The following PI4K2A variants were observed in gnomAD, a reference collection of about 807,000 sequenced individuals.
PI4K2A encodes phosphatidylinositol 4-kinase type 2-alpha.
Under a neutral mutation model 55.0 loss-of-function variants are expected in PI4K2A, and 20 were observed. The ratio of observed to expected loss-of-function variants is 0.36; its 90% CI spans 0.26 to 0.53. PI4K2A has a LOEUF of 0.53. Among genes scored for constraint, PI4K2A ranks in the 20% least tolerant of loss-of-function variants. The pLI is 0.91. For missense variants in PI4K2A, 463 were observed against 637.1 expected (o/e 0.73, Z 2.94); for synonymous variants, 235 against 258.5 (o/e 0.91, Z 0.87).
In PI4K2A at chr10:97,642,928, T is replaced by TTCCTTCCTTCCTTC. The variant is rs1564772434; in HGVS notation, c.435+1751_435+1752insTCCTTCCTTCCTTC. Among the ~76,000 whole-genome samples, 13 of 118,056 alleles carry TTCCTTCCTTCCTTC rather than the reference T, an allele frequency of 1.1e-4. 1 individual carries two copies. The highest frequency in any genetic ancestry group is 5.1e-4 in the African/African-American group (12 of 23,632). 77.4% of individuals were successfully genotyped at this position (118,056 alleles called of 152,430 possible). On this transcript the variant is annotated intron_variant, in intron 1 of 8. Coordinates refer to ENST00000370631, the Ensembl canonical transcript of PI4K2A. ...TCCTTCCTTCCTTCCTTCCTTCCTT[T>TTCCTTCCTTCCTTC]CTTTCCTTTCTTTCTTTCTCTTTCT...
intron 8 of PI4K2A, among the ~76,000 whole-genome samples, chr10:97,671,938 G>C (rs573864398): frequency 6.6e-6 from 1 of 152,092 alleles, no homozygotes; most frequent in South Asian, 2.1e-4. Context: ...ACAGGCATGA[G>C]CTACCACGCC....
chr10:97,641,304 G>A, intron 1 of PI4K2A, 127 bp downstream of exon 1: 1 of 685,280 alleles, frequency 1.5e-6, no homozygotes, highest in South Asian at 1.7e-5. Context: ...GCAGGATTTA[G>A]GGATGCCACT....
chr10:97,651,172 G>C, intron 2 of PI4K2A, 31 bp downstream of exon 2: 1 of 1,557,590 alleles, frequency 6.4e-7, no homozygotes, highest in Non-Finnish European at 8.8e-7. Context: ...AAGCCTTACT[G>C]CCTGGCCACA....
At chr10:97,660,403 C>A (rs562461591) in intron 4 of PI4K2A, among the ~76,000 whole-genome samples, 7 of 150,206 alleles carry the variant, frequency 4.7e-5, no homozygotes, top group African/African-American at 1.7e-4. Flanking sequence ...TCAAGTGATT[C>A]TCCTGCCTCA....
intron 7 of PI4K2A, 124 bp downstream of exon 7, chr10:97,666,695 C>T (rs1016043775): frequency 2.3e-5 from 18 of 795,680 alleles, no homozygotes; most frequent in East Asian, 2.1e-4. Flanking sequence ...AGTTAGCCAA[C>T]GAATAGCAAG....
At position 97,656,393 on chromosome 10, in the gene PI4K2A, A is replaced by T; in HGVS notation, c.745A>T (p.Asn249Tyr). 2 of 1,613,814 alleles carry T rather than the reference A, an allele frequency of 1.2e-6. No homozygotes were observed. The highest frequency in any genetic ancestry group is 1.7e-6 in the Non-Finnish European group (2 of 1,179,724). The change falls in exon 3 of 9, where the codon AAC becomes TAC. Residue 249 changes from asparagine (N) to tyrosine (Y), a missense_variant. Physicochemically the swap from Asn to Tyr is moderately radical, Grantham distance 143. Coordinates refer to ENST00000370631, the Ensembl canonical transcript of PI4K2A. This position sits in a 1 kb window ranked among gnomAD's most constrained non-coding sequence, Gnocchi z 4.5. The stretch of plus-strand genomic sequence containing the variant: ...AGTGCCAAAAGTTGGACAGCGGTTT[A>T]ACCGCATCGGGCTACCACCAAAGGT...
intron 1 of PI4K2A, among the ~76,000 whole-genome samples, chr10:97,650,469 A>C (rs2041525870): frequency 6.6e-6 from 1 of 151,990 alleles, no homozygotes; most frequent in African/African-American, 2.4e-5. Context: ...TTTAGTAGAG[A>C]CAGGGTTTCG....
intron 1 of PI4K2A, among the ~76,000 whole-genome samples, chr10:97,642,938 CTTTCTTTCT>C (rs2041486037): frequency 7.0e-6 from 1 of 142,254 alleles, no homozygotes; most frequent in Admixed American, 7.1e-5. Context: ...TCTTTCCTTT[CTTTCTTTCT>C]CTTTCTTTCT....
At chr10:97,665,880 T>G (rs1372909980) in intron 6 of PI4K2A, among the ~76,000 whole-genome samples, 4 of 152,320 alleles carry the variant, frequency 2.6e-5, no homozygotes, top group African/African-American at 9.6e-5. Flanking sequence ...CATGAGCCAC[T>G]GCGCCCGGCC....
intron 4 of PI4K2A, among the ~76,000 whole-genome samples, chr10:97,657,744 A>T (rs2041562354): frequency 6.6e-6 from 1 of 152,124 alleles, no homozygotes; most frequent in Non-Finnish European, 1.5e-5. Context: ...AGTAAAATGC[A>T]TGTAACATAA....
At position 97,645,806 on chromosome 10, in the gene PI4K2A, C is replaced by T. The variant is rs560238868; in HGVS notation, c.435+4629C>T. Among the ~76,000 whole-genome samples, 16 of 151,932 alleles carry T rather than the reference C, an allele frequency of 1.1e-4. No homozygotes were observed. The East Asian group carries it at 2.7e-3, about 26-fold the overall frequency. ...CAACCTTGGCTCATTGCAGCCTTGG[C>T]CTCCCAGTGTTGGGATTACAGGTGT... is the stretch of plus-strand genomic sequence containing the variant. On this transcript the variant is annotated intron_variant, in intron 1 of 8. Transcript: ENST00000370631.
In PI4K2A at chr10:97,641,184, G is replaced by GC; in HGVS notation, c.435+8dup. ...CGTCAAGGACCCTCAGGGGGTGAGT[G>GC]CGGGGGTGGGGACCGCCGCCGCGGG... On this transcript the variant is annotated splice_region_variant and intron_variant, in intron 1 of 8. Transcript: ENST00000370631. The GC allele has an allele frequency of 2.5e-6, 4 of 1,594,948 alleles. No homozygotes were observed. Among genetic ancestry groups the GC allele is most frequent in the Non-Finnish European group, 3.4e-6 (4 of 1,174,648 alleles).
intron 1 of PI4K2A, among the ~76,000 whole-genome samples, chr10:97,642,349 G>A (rs1203074730): frequency 6.6e-6 from 1 of 151,876 alleles, no homozygotes; most frequent in Non-Finnish European, 1.5e-5. Flanking sequence ...TACATAAACT[G>A]AGTTGGGGAA....
intron 1 of PI4K2A, among the ~76,000 whole-genome samples, chr10:97,642,852 TTTC>T (rs1296099093): frequency 2.1e-4 from 2 of 9,506 alleles, no homozygotes. Flanking sequence ...CCTTCCTTCC[TTTC>T]TTTCTTTCTT....
In PI4K2A at chr10:97,673,656, G is replaced by T; in HGVS notation, c.1354G>T (p.Glu452Ter). 1 of 1,613,992 alleles carries T rather than the reference G, an allele frequency of 6.2e-7. No individual in the cohort carries two copies. The highest frequency in any genetic ancestry group is 8.5e-7 in the Non-Finnish European group (1 of 1,179,946). ...CGTCCAGATGCCACCTGTGATTGTC[G>T]AGACGGCCCGTTCCCACCAGCGGTC... is the stretch of plus-strand genomic sequence containing the variant. The change falls in exon 9 of 9, where the codon GAG (glutamate) becomes TAG (stop). Residue 452 changes from glutamate (E) to a stop codon, truncating the protein, a stop_gained. Coordinates refer to ENST00000370631, the Ensembl canonical transcript of PI4K2A. LOFTEE classifies it high-confidence loss of function.
In PI4K2A at chr10:97,649,748, C is replaced by T. The variant is rs182057393; in HGVS notation, c.436-1193C>T. ...AAGTGATTCTCCTGCCTCAGCCTCCCGGGTAGCTGGGATTACAGGTGCATG... is the reference window on the plus strand; with the variant it reads ...AAGTGATTCTCCTGCCTCAGCCTCCTGGGTAGCTGGGATTACAGGTGCATG... On this transcript the variant is annotated intron_variant, in intron 1 of 8. Transcript: ENST00000370631. Among the ~76,000 whole-genome samples, 329 of 150,802 alleles carry T rather than the reference C, an allele frequency of 2.2e-3. 4 individuals are homozygous for T. Among genetic ancestry groups the T allele is most frequent in the South Asian group, 1.7e-3 (8 of 4,766 alleles).
At chr10:97,647,795 A>G (rs1202290056) in intron 1 of PI4K2A, among the ~76,000 whole-genome samples, 4 of 148,292 alleles carry the variant, frequency 2.7e-5, no homozygotes, top group African/African-American at 9.7e-5. Context: ...ATAATTACTC[A>G]TGCTTTTGGA....
At chr10:97,663,167 A>G (rs925365095) in intron 5 of PI4K2A, among the ~76,000 whole-genome samples, 199 bp downstream of exon 5, 2 of 152,274 alleles carry the variant, frequency 1.3e-5, no homozygotes, top group African/African-American at 2.4e-5. Context: ...GTTAATAGGA[A>G]TAGCATGAAG....
At chr10:97,671,334 C>T (rs1205478882) in intron 8 of PI4K2A, among the ~76,000 whole-genome samples, 1 of 152,078 alleles carries the variant, frequency 6.6e-6, no homozygotes, top group Non-Finnish European at 1.5e-5. Flanking sequence ...TGCCTGTTAT[C>T]CCAACACTTT....
Sources: allele counts gnomAD v4.1 joint callset (sites outside exome capture counted in the v4.1 genomes callset), GRCh38; gene constraint gnomAD v4.1.1; non-coding constraint Gnocchi (gnomAD v3.1); transcripts MANE v1.5; gene names NCBI Gene and HGNC (gene_info 2026-07-23, HGNC 2026-07-21).